Variants in SWAP70 observed in about 807,000 individuals in gnomAD.
SWAP70 encodes the protein switch-associated protein 70.
A neutral mutation model predicts 80.2 loss-of-function variants in SWAP70; 34 were observed. The ratio of observed to expected loss-of-function variants is 0.42; its 90% CI spans 0.32 to 0.56. The LOEUF (loss-of-function observed/expected upper bound fraction) is 0.56, where lower values mean the gene tolerates loss of function less well. Ranked by LOEUF, SWAP70 falls within the 20% of genes least tolerant of loss-of-function variation. The pLI, the probability that SWAP70 is intolerant of heterozygous loss-of-function variation, is 0.09. For synonymous variants in SWAP70, 239 were observed against 238.5 expected (o/e 1.00, Z -0.02); for missense variants, 578 against 690.7 (o/e 0.84, Z 1.83).
chr11:9,695,070 C>T (rs1443595714), intron 2 of SWAP70, among the ~76,000 whole-genome samples: 2 of 152,104 alleles, frequency 1.3e-5, no homozygotes, highest in African/African-American at 4.8e-5. Flanking sequence ...GGGCAGATCA[C>T]CTGAGGTCAG....
intron 9 of SWAP70, among the ~76,000 whole-genome samples, chr11:9,744,108 G>A (rs1050931748): frequency 1.4e-4 from 21 of 152,010 alleles, no homozygotes; most frequent in East Asian, 5.8e-4. Flanking sequence ...GACTACAGGC[G>A]CCTGCCACCA....
intron 1 of SWAP70, among the ~76,000 whole-genome samples, chr11:9,672,937 C>T (rs760469168): frequency 3.9e-5 from 6 of 152,148 alleles, no homozygotes; most frequent in Non-Finnish European, 8.8e-5. Context: ...AACACACAAA[C>T]TGTTTTTTTC....
At chr11:9,704,511 C>T (rs890375072) in intron 2 of SWAP70, among the ~76,000 whole-genome samples, 1 of 152,136 alleles carries the variant, frequency 6.6e-6, no homozygotes, top group Non-Finnish European at 1.5e-5. Context: ...TCTCATGCCT[C>T]AGCCTCCTGA....
intron 9 of SWAP70, 185 bp downstream of exon 9, chr11:9,740,532 C>G: frequency 1.5e-6 from 1 of 650,640 alleles, no homozygotes; most frequent in Non-Finnish European, 2.7e-6. Flanking sequence ...TCTTTTCATT[C>G]TGAGGCGCTG....
At position 9,664,095 on chromosome 11, in the gene SWAP70, C is replaced by G; in HGVS notation, c.-85C>G. On this transcript the variant is annotated 5_prime_UTR_variant, in exon 1 of 12. Transcript: ENST00000318950. ...GCGGGTCAGGTGACTGCGCGGCGGG[C>G]TGTGGCTGCGGAGGTTGAGGGGCGT... The G allele has an allele frequency of 2.3e-6, 3 of 1,312,552 alleles. No homozygotes were observed. The highest frequency in any genetic ancestry group is 1.5e-5 in the African/African-American group (1 of 65,050). The allele number at this position is 1,312,552 out of a possible 1,614,324, so 81.3% of individuals were successfully genotyped here.
At chr11:9,718,125 C>T (rs2133800215) in intron 3 of SWAP70, among the ~76,000 whole-genome samples, 1 of 152,360 alleles carries the variant, frequency 6.6e-6, no homozygotes, top group Non-Finnish European at 1.5e-5. Context: ...TGTCTTGATT[C>T]TCTTTCAAAT....
chr11:9,711,130 C>T lies in SWAP70; in HGVS notation c.241-2336C>T, dbSNP rs554030129. 2.6e-5 allele frequency among the ~76,000 whole-genome samples: 4 copies of T among 151,280 alleles called. No individual in the cohort carries two copies. The East Asian group carries it at 7.7e-4, about 29-fold the overall frequency. On this transcript the variant is annotated intron_variant, in intron 2 of 11. Transcript: ENST00000318950. Reference sequence around the variant, plus strand: ...AGAAATGAGGTCTTGCTATATTGCCCAGGCTGGTCTCAAACTTCTAGCCTT... The same window carrying T: ...AGAAATGAGGTCTTGCTATATTGCCTAGGCTGGTCTCAAACTTCTAGCCTT...
intron 1 of SWAP70, among the ~76,000 whole-genome samples, chr11:9,682,748 C>T (rs1482493861): frequency 1.3e-5 from 2 of 152,090 alleles, no homozygotes; most frequent in African/African-American, 2.4e-5. Flanking sequence ...ACAATCTGTG[C>T]GCACTGCAAC....
intron 1 of SWAP70, among the ~76,000 whole-genome samples, chr11:9,686,538 A>G (rs1196781070): frequency 6.6e-6 from 1 of 151,554 alleles, no homozygotes; most frequent in Non-Finnish European, 1.5e-5. Context: ...TTGTAGAGAT[A>G]GGGTCTTACT....
At chr11:9,706,819 C>T (rs1850921144) in intron 2 of SWAP70, among the ~76,000 whole-genome samples, 1 of 151,924 alleles carries the variant, frequency 6.6e-6, no homozygotes. Context: ...ACATAAAGAA[C>T]TCTTTTTTTT....
At chr11:9,668,152 G>A (rs760924576) in intron 1 of SWAP70, among the ~76,000 whole-genome samples, 9 of 152,320 alleles carry the variant, frequency 5.9e-5, no homozygotes, top group Admixed American at 1.3e-4. Context: ...GCCTCCCAAA[G>A]CATTGGGATT....
rs560744967 is a variant in SWAP70 at position 9,725,665 on chromosome 11, G to A, written c.642+780G>A. ...TGGCTCACTGCAACCTCCGCCTCCC[G>A]GGTTCAAACAATTCTCCCGCCTCAG... is the stretch of plus-strand genomic sequence containing the variant. On this transcript the variant is annotated intron_variant, in intron 4 of 11. Transcript: ENST00000318950. Among the ~76,000 whole-genome samples, 242 of 147,296 alleles carry A rather than the reference G, an allele frequency of 1.6e-3. 2 individuals carry two copies. Among genetic ancestry groups the A allele is most frequent in the African/African-American group, 5.8e-3 (232 of 39,742 alleles).
intron 3 of SWAP70, among the ~76,000 whole-genome samples, chr11:9,717,825 T>C (rs1222387119): frequency 6.7e-6 from 1 of 148,792 alleles, no homozygotes; most frequent in Non-Finnish European, 1.5e-5. Flanking sequence ...GAAAGTGACC[T>C]TGTCCTGATT....
chr11:9,704,541 C>T (rs866888448), intron 2 of SWAP70, among the ~76,000 whole-genome samples: 5 of 151,944 alleles, frequency 3.3e-5, no homozygotes, highest in Non-Finnish European at 7.4e-5. Context: ...ATTACAGGTG[C>T]GAGCCACCAC....
chr11:9,721,960 C>A lies in SWAP70; in HGVS notation c.415-2698C>A, dbSNP rs115577313. ...AACAAATTAAACCTACTGTTTCTGA[C>A]AAATAGTTGTCAAAATAATTACATA... On this transcript the variant is annotated intron_variant, in intron 3 of 11. Coordinates refer to ENST00000318950, the MANE Select transcript of SWAP70 (RefSeq NM_015055.4). Among the ~76,000 whole-genome samples the A allele has an allele frequency of 6.0e-3, 919 of 152,258 alleles. 7 individuals are homozygous for A. Among genetic ancestry groups the A allele is most frequent in the African/African-American group, 0.021 (869 of 41,544 alleles).
intron 7 of SWAP70, among the ~76,000 whole-genome samples, chr11:9,733,295 A>G (rs1220590247): frequency 6.6e-6 from 1 of 152,202 alleles, no homozygotes; most frequent in African/African-American, 2.4e-5. Flanking sequence ...GTATATGGAT[A>G]TGGTCTTTAT....
intron 1 of SWAP70, among the ~76,000 whole-genome samples, chr11:9,678,346 G>A (rs1315325358): frequency 6.6e-6 from 1 of 151,964 alleles, no homozygotes; most frequent in Non-Finnish European, 1.5e-5. Context: ...AAAATAGTAA[G>A]GGCAGCTCTC....
intron 2 of SWAP70, among the ~76,000 whole-genome samples, chr11:9,705,433 C>T (rs1351834408): frequency 7.5e-6 from 1 of 133,722 alleles, no homozygotes; most frequent in African/African-American, 3.0e-5. Context: ...GATCTGTATA[C>T]ACTGGTGATC....
At chr11:9,668,095 G>T (rs1850330778) in intron 1 of SWAP70, among the ~76,000 whole-genome samples, 1 of 152,078 alleles carries the variant, frequency 6.6e-6, no homozygotes, top group Non-Finnish European at 1.5e-5. Context: ...CACCATGTTG[G>T]CTGGGCTCAT....
Sources: gnomAD v4.1 joint callset for allele counts (sites outside exome capture counted in the v4.1 genomes callset) on GRCh38, gnomAD v4.1.1 for gene constraint, MANE v1.5 for transcripts, NCBI Gene and HGNC (gene_info 2026-07-23, HGNC 2026-07-21) for gene names.